The following PYHIN1 variants were observed in gnomAD, a reference collection of about 807,000 sequenced individuals.
PYHIN1 encodes pyrin and HIN domain family member 1.
A neutral mutation model predicts 43.7 loss-of-function variants in PYHIN1; 32 were observed. The ratio of observed to expected loss-of-function variants is 0.73; its 90% CI spans 0.55 to 0.98. The LOEUF (loss-of-function observed/expected upper bound fraction) is 0.98, where lower values mean the gene tolerates loss of function less well. PYHIN1 is among the 50% of genes least tolerant of loss of function. PYHIN1 has a pLI of 0.00. For synonymous variants in PYHIN1, 205 were observed against 203.1 expected (o/e 1.01, Z -0.08); for missense variants, 588 against 589.5 (o/e 1.00, Z 0.03).
In PYHIN1 at chr1:158,933,472, G is replaced by A. The variant is rs1030470964; in HGVS notation, c.-21+1696G>A. ...TTAAAAATGATTCTAGCATAGATAA[G>A]CTGGCTTTCTTCTAGTTTCTCCTTG... On this transcript the variant is annotated intron_variant, in intron 1 of 8. Coordinates refer to ENST00000368140, the MANE Select transcript of PYHIN1 (RefSeq NM_152501.5). This position sits in a 1 kb window ranked among gnomAD's most constrained non-coding sequence, Gnocchi z 6.3. 6.6e-6 allele frequency among the ~76,000 whole-genome samples: 1 copy of A among 151,750 alleles called. No homozygotes were observed. Among genetic ancestry groups the A allele is most frequent in the Non-Finnish European group, 1.5e-5 (1 of 67,886 alleles).
At chr1:158,960,448 T>A (rs1650255348) in intron 7 of PYHIN1, among the ~76,000 whole-genome samples, 1 of 152,258 alleles carries the variant, frequency 6.6e-6, no homozygotes, top group South Asian at 2.1e-4. Flanking sequence ...TGAACATCTG[T>A]AGAGCACAGC....
At position 158,953,045 on chromosome 1, in the gene PYHIN1, C is replaced by T. The variant is rs146573494; in HGVS notation, c.1359+8003C>T. On this transcript the variant is annotated intron_variant, in intron 7 of 8. Transcript: ENST00000368140. Reference sequence around the variant, plus strand: ...CACCCGAATATTGCGCTTTTCGGACCGGCTTAAAAAATGGCGCACCAGGAG... The same window carrying T: ...CACCCGAATATTGCGCTTTTCGGACTGGCTTAAAAAATGGCGCACCAGGAG... Among the ~76,000 whole-genome samples, 1,068 of 152,268 alleles carry T rather than the reference C, an allele frequency of 7.0e-3. 10 individuals carry two copies. The highest frequency in any genetic ancestry group is 0.024 in the African/African-American group (1,006 of 41,540).
intron 5 of PYHIN1, among the ~76,000 whole-genome samples, chr1:158,943,430 T>C (rs1285326721): frequency 6.6e-6 from 1 of 152,194 alleles, no homozygotes; most frequent in East Asian, 1.9e-4. Flanking sequence ...TTGTGACAGA[T>C]GCCCATTCTT....
chr1:158,966,445 T>C (rs566464654), intron 7 of PYHIN1, among the ~76,000 whole-genome samples: 2 of 152,166 alleles, frequency 1.3e-5, no homozygotes, highest in Admixed American at 1.3e-4. Flanking sequence ...GTGGTTATTC[T>C]TGATGAACAT....
intron 7 of PYHIN1, among the ~76,000 whole-genome samples, chr1:158,972,672 T>C (rs1384191173): frequency 6.6e-6 from 1 of 152,068 alleles, no homozygotes; most frequent in African/African-American, 2.4e-5. Context: ...CATGTTTTTG[T>C]TTCATACATG....
rs1398770234 is a variant in PYHIN1, at chr1:158,944,866, T to C, written c.1192-9T>C. On this transcript the variant is annotated splice_polypyrimidine_tract_variant and intron_variant, in intron 6 of 8. Transcript: ENST00000368140. The stretch of plus-strand genomic sequence containing the variant: ...AAAAAACATTAAACAAAAAAATGAA[T>C]ACTTTCAGATACAGAAAAATACAAA... 6.5e-7 allele frequency: 1 copy of C among 1,532,064 alleles called. No individual in the cohort carries two copies. Among genetic ancestry groups the C allele is most frequent in the African/African-American group, 1.4e-5 (1 of 71,568 alleles). The allele number at this position is 1,532,064 out of a possible 1,614,324, so 94.9% of individuals were successfully genotyped here.
the PYHIN1 span, among the ~76,000 whole-genome samples, chr1:158,989,053 T>C: frequency 6.6e-6 from 1 of 152,328 alleles, no homozygotes; most frequent in East Asian, 1.9e-4. Context: ...GTTTGGGACC[T>C]GTATCCCTTT....
chr1:158,952,896 C>T (rs533795945), intron 7 of PYHIN1, among the ~76,000 whole-genome samples: 11 of 152,300 alleles, frequency 7.2e-5, no homozygotes, highest in African/African-American at 2.4e-4. Context: ...AGTGGGTGCA[C>T]GCACCATGCG....
rs200057671 is a variant in PYHIN1, at chr1:158,973,678, C to T, written c.1391C>T (p.Ser464Leu). Reference sequence around the variant, plus strand: ...GAAACCCACCCAGGAGCACAGTCATCGCCTGCAAACTTTAGAATCACCTCA... The same window carrying T: ...GAAACCCACCCAGGAGCACAGTCATTGCCTGCAAACTTTAGAATCACCTCA... The part of the protein sequence containing the change: ...KDETHPGAQS[S>L]PANFRITSPT... Residue 464 changes from serine (S) to leucine (L), a missense_variant, in exon 8 of 9, where the codon TCG (serine) becomes TTG (leucine). Coordinates refer to ENST00000368140, the MANE Select transcript of PYHIN1 (RefSeq NM_152501.5). 103 of 1,613,048 alleles carry T rather than the reference C, an allele frequency of 6.4e-5. 1 individual carries two copies. In the East Asian group the frequency reaches 1.6e-3, roughly 25 times the overall value.
intron 7 of PYHIN1, among the ~76,000 whole-genome samples, chr1:158,948,733 T>C (rs1649359437): frequency 6.6e-6 from 1 of 152,184 alleles, no homozygotes; most frequent in East Asian, 1.9e-4. Flanking sequence ...CCTACGAATC[T>C]TTTGAGTCTG....
At chr1:158,981,597 T>A (rs1651488426), downstream of PYHIN1, among the ~76,000 whole-genome samples, 1 of 152,226 alleles carries the variant, frequency 6.6e-6, no homozygotes, top group Non-Finnish European at 1.5e-5. Flanking sequence ...AAATGTTAGT[T>A]CTGTTTTAAG....
intron 8 of PYHIN1, among the ~76,000 whole-genome samples, chr1:158,975,260 G>A (rs916610531): frequency 6.6e-6 from 1 of 151,926 alleles, no homozygotes; most frequent in African/African-American, 2.4e-5. Context: ...TTATTAATTT[G>A]TATAAATTTT....
At chr1:158,984,575 A>G in the PYHIN1 span, among the ~76,000 whole-genome samples, 1 of 152,150 alleles carries the variant, frequency 6.6e-6, no homozygotes. Flanking sequence ...CATGTGGCCA[A>G]GCATGTGGCA....
At chr1:158,953,428 A>G (rs1649703895) in intron 7 of PYHIN1, among the ~76,000 whole-genome samples, 1 of 150,786 alleles carries the variant, frequency 6.6e-6, no homozygotes, top group South Asian at 2.1e-4. Flanking sequence ...TGCCTCCTCA[A>G]GGGGGTCCCT....
At chr1:158,939,028 C>G in intron 3 of PYHIN1, 52 bp from the exon 4 acceptor site, 1 of 1,369,622 alleles carries the variant, frequency 7.3e-7, no homozygotes, top group Non-Finnish European at 9.9e-7. Flanking sequence ...AAAATGTGCT[C>G]TGCTTCATTT....
the PYHIN1 span, among the ~76,000 whole-genome samples, chr1:158,990,042 T>A: frequency 6.7e-6 from 1 of 149,560 alleles, no homozygotes; most frequent in Non-Finnish European, 1.5e-5. Context: ...GTGTATGGCA[T>A]GCTGGCTTCT....
chr1:158,978,255 A>G (rs1651363295), downstream of PYHIN1, among the ~76,000 whole-genome samples: 2 of 151,022 alleles, frequency 1.3e-5, no homozygotes, highest in Non-Finnish European at 2.9e-5. Flanking sequence ...TAATATTCAT[A>G]TGTGTGTGTG....
chr1:158,938,658 C>A (rs2101649334), intron 3 of PYHIN1, 116 bp downstream of exon 3: 1 of 1,042,464 alleles, frequency 9.6e-7, no homozygotes, highest in East Asian at 2.6e-5. Flanking sequence ...CATCAAGTTT[C>A]AGATTTATCA....
At chr1:158,988,033 C>A in the PYHIN1 span, among the ~76,000 whole-genome samples, 5 of 152,094 alleles carry the variant, frequency 3.3e-5, no homozygotes, top group African/African-American at 9.7e-5. Flanking sequence ...TTCATCAAAC[C>A]GCTAGAACCT....
Sources: gnomAD v4.1 joint callset for allele counts (sites outside exome capture counted in the v4.1 genomes callset) on GRCh38, gnomAD v4.1.1 for gene constraint, Gnocchi (gnomAD v3.1) non-coding constraint, MANE v1.5 for transcripts, NCBI Gene and HGNC (gene_info 2026-07-23, HGNC 2026-07-21) for gene names.